The following ATP8A2 variants were observed in gnomAD, a reference collection of about 807,000 sequenced individuals.
The protein encoded by ATP8A2 is phospholipid-transporting ATPase IB.
ATP8A2 carries 100 observed loss-of-function variants against 165.6 expected under a neutral mutation model. The observed-to-expected ratio is 0.60, with a 90% confidence interval of 0.51 to 0.71. The LOEUF (loss-of-function observed/expected upper bound fraction) is 0.71, where lower values mean the gene tolerates loss of function less well. ATP8A2 is among the 30% of genes least tolerant of loss of function. The probability of loss-of-function intolerance (pLI) is 0.00; values close to 1 mark genes in which losing one functional copy is unlikely to be tolerated. For missense variants in ATP8A2, 1,227 were observed against 1,479.5 expected, an observed-to-expected ratio of 0.83 and a Z score of 2.80; for synonymous variants, 543 against 548.8, an observed-to-expected ratio of 0.99 and a Z score of 0.15.
At chr13:25,890,513 G>A (rs981958246) in intron 33 of ATP8A2, among the ~76,000 whole-genome samples, 3 of 152,132 alleles carry the variant, frequency 2.0e-5, no homozygotes, top group Admixed American at 6.5e-5. Context: ...TCCCTGATAC[G>A]TATTTGTACT....
chr13:25,861,095 A>G (rs890059943), intron 32 of ATP8A2, among the ~76,000 whole-genome samples: 3 of 152,216 alleles, frequency 2.0e-5, no homozygotes, highest in Admixed American at 2.0e-4. Flanking sequence ...CTCACTTCAA[A>G]TGTATTTGCT....
chr13:25,988,355 T>A (rs1244822931), intron 35 of ATP8A2, among the ~76,000 whole-genome samples: 1 of 152,248 alleles, frequency 6.6e-6, no homozygotes, highest in Non-Finnish European at 1.5e-5. Flanking sequence ...GGCAGCCATA[T>A]GCTTTCTCAT....
At chr13:25,559,096 G>A in intron 14 of ATP8A2, 35 bp downstream of exon 14, 3 of 1,385,234 alleles carry the variant, frequency 2.2e-6, no homozygotes, top group Non-Finnish European at 3.0e-6. Flanking sequence ...AAATTTACTT[G>A]TATTCTTTCA....
chr13:25,508,746 G>T (rs541731957), intron 2 of ATP8A2, among the ~76,000 whole-genome samples: 1 of 152,318 alleles, frequency 6.6e-6, no homozygotes, highest in Non-Finnish European at 1.5e-5. Context: ...TATATCCACA[G>T]AAGCAGATTT....
intron 24 of ATP8A2, among the ~76,000 whole-genome samples, chr13:25,651,125 C>CAG (rs2041801487): frequency 6.6e-6 from 1 of 152,070 alleles, no homozygotes. Flanking sequence ...AAAATTTAAA[C>CAG]TACTAAGTCA....
intron 10 of ATP8A2, among the ~76,000 whole-genome samples, chr13:25,550,014 G>A (rs2038770561): frequency 6.6e-6 from 1 of 152,034 alleles, no homozygotes; most frequent in African/African-American, 2.4e-5. Context: ...GTATAAAATA[G>A]CACACTCAGG....
chr13:25,996,033 A>G (rs1000285524), intron 35 of ATP8A2, among the ~76,000 whole-genome samples: 1 of 151,940 alleles, frequency 6.6e-6, no homozygotes, highest in Non-Finnish European at 1.5e-5. Flanking sequence ...AATGTCCTTC[A>G]TTTTCTCCAG....
rs1041557952 is a variant in ATP8A2 at position 25,510,821 on chromosome 13, A to G, written c.222-19178A>G. Among the ~76,000 whole-genome samples the G allele has an allele frequency of 1.5e-4, 23 of 152,282 alleles. No homozygotes were observed. The East Asian group carries it at 3.9e-3, about 26-fold the overall frequency. ...ACCAGTCCTAAACTTAGCTAAAATA[A>G]TCAGCTGTCCCTTGACAGTTATATC... On this transcript the variant is annotated intron_variant, in intron 2 of 36. Coordinates refer to ENST00000381655, the MANE Select transcript of ATP8A2 (RefSeq NM_016529.6).
At chr13:25,578,291 T>C (rs560138912) in intron 20 of ATP8A2, among the ~76,000 whole-genome samples, 1 of 152,360 alleles carries the variant, frequency 6.6e-6, no homozygotes, top group East Asian at 1.9e-4. Context: ...CTGTGGGATC[T>C]GGTCCCCCAA....
chr13:25,938,130 A>G (rs960184784), intron 33 of ATP8A2, among the ~76,000 whole-genome samples: 1 of 152,086 alleles, frequency 6.6e-6, no homozygotes, highest in African/African-American at 2.4e-5. Flanking sequence ...ACAATGAGAA[A>G]AACTGGATCT....
chr13:25,812,169 G>A (rs1298437470), intron 27 of ATP8A2, among the ~76,000 whole-genome samples: 1 of 151,610 alleles, frequency 6.6e-6, no homozygotes, highest in Non-Finnish European at 1.5e-5. Context: ...AGTTTTCTCT[G>A]TGGTTTCTAA....
At chr13:25,921,521 G>T (rs1954455346) in intron 33 of ATP8A2, among the ~76,000 whole-genome samples, 1 of 151,486 alleles carries the variant, frequency 6.6e-6, no homozygotes, top group South Asian at 2.1e-4. Flanking sequence ...TACTTGGGAG[G>T]CTGAGGCAGG....
chr13:25,380,932 T>C (rs2032815022), intron 1 of ATP8A2, among the ~76,000 whole-genome samples: 1 of 152,166 alleles, frequency 6.6e-6, no homozygotes, highest in Admixed American at 6.5e-5. Flanking sequence ...CCTCCAGCAT[T>C]TTTTTCAGGG....
chr13:25,872,272 G>C (rs991530275), intron 33 of ATP8A2, among the ~76,000 whole-genome samples: 10 of 152,090 alleles, frequency 6.6e-5, no homozygotes, highest in African/African-American at 2.4e-4. Flanking sequence ...GAGCTCTTTT[G>C]CTGCTGGGTC....
chr13:26,018,470 GA>G (rs1957031592), intron 36 of ATP8A2, among the ~76,000 whole-genome samples: 1 of 152,216 alleles, frequency 6.6e-6, no homozygotes. Flanking sequence ...TCCTTTTAAA[GA>G]GTATGACAGT....
chr13:25,842,120 A>G lies in ATP8A2; in HGVS notation c.2956+2496A>G, dbSNP rs569742205. ...GAATAACTCCAGTACAAGGTAAAAAATAGCTGTTTCAAGTAAACCATAGAT... is the reference window on the plus strand; with the variant it reads ...GAATAACTCCAGTACAAGGTAAAAAGTAGCTGTTTCAAGTAAACCATAGAT... On this transcript the variant is annotated intron_variant, in intron 30 of 36. Transcript: ENST00000381655. Among the ~76,000 whole-genome samples the G allele has an allele frequency of 3.9e-5, 6 of 152,352 alleles. No homozygotes were observed. In the South Asian group the frequency reaches 1.2e-3, roughly 32 times the overall value.
intron 35 of ATP8A2, among the ~76,000 whole-genome samples, chr13:25,979,175 T>TC (rs1956129438): frequency 6.6e-6 from 1 of 152,184 alleles, no homozygotes; most frequent in Non-Finnish European, 1.5e-5. Flanking sequence ...GTGAATGACA[T>TC]CATTGGCCTT....
chr13:25,993,268 C>G (rs567917067), intron 35 of ATP8A2, among the ~76,000 whole-genome samples: 4 of 152,258 alleles, frequency 2.6e-5, no homozygotes, highest in Admixed American at 2.6e-4. Context: ...CGCCACACTG[C>G]TATGACAAAC....
At chr13:25,608,916 A>C (rs1265009444) in intron 24 of ATP8A2, among the ~76,000 whole-genome samples, 1 of 152,164 alleles carries the variant, frequency 6.6e-6, no homozygotes, top group Non-Finnish European at 1.5e-5. Context: ...GAAAATTAAA[A>C]ACCTATACTT....
Sources: gnomAD v4.1 joint callset for allele counts (sites outside exome capture counted in the v4.1 genomes callset) on GRCh38, gnomAD v4.1.1 for gene constraint, MANE v1.5 for transcripts, NCBI Gene and HGNC (gene_info 2026-07-23, HGNC 2026-07-21) for gene names.